DNAH5: variants seen among roughly 807,000 people sequenced by gnomAD.
DNAH5 encodes axonemal beta dynein heavy chain 5.
In DNAH5, 372 loss-of-function variants were observed where a neutral mutation model predicts 518.2. That is an observed-to-expected ratio of 0.72 (90% CI 0.66 to 0.78). DNAH5 has a LOEUF of 0.78. Ranked by LOEUF, DNAH5 falls within the 30% of genes least tolerant of loss-of-function variation. DNAH5 has a pLI of 0.00. For synonymous variants in DNAH5, 2,039 were observed against 2,025.9 expected (o/e 1.01, Z -0.17); for missense variants, 5,523 against 5,687.0 (o/e 0.97, Z 0.93).
chr5:13,853,310 A>G (rs1427365498), intron 30 of DNAH5, among the ~76,000 whole-genome samples: 2 of 152,226 alleles, frequency 1.3e-5, no homozygotes, highest in Non-Finnish European at 2.9e-5. Flanking sequence ...AACAAACAGG[A>G]AGCAATAGCA....
intron 17 of DNAH5, among the ~76,000 whole-genome samples, chr5:13,889,488 G>C (rs1171188260): frequency 2.6e-5 from 4 of 152,236 alleles, no homozygotes; most frequent in Non-Finnish European, 5.9e-5. Flanking sequence ...TCCTGCTTGG[G>C]AGGTGGTCCC....
intron 34 of DNAH5, among the ~76,000 whole-genome samples, chr5:13,840,600 AGCGAAAAAGATGTATGAAG>A (rs1765023306): frequency 6.6e-6 from 1 of 152,256 alleles, no homozygotes; most frequent in Non-Finnish European, 1.5e-5. Context: ...ATAGGTAAAA[AGCGAAAAAGATGTATGAAG>A]GCTTTTCAGA....
At chr5:13,931,975 T>A (rs1778473095) in intron 1 of DNAH5, 2 of 152,356 alleles carry the variant, frequency 1.3e-5, no homozygotes. Context: ...TGTACCATAC[T>A]TTATTCAACT....
chr5:13,961,760 C>A (rs1781203667), intron 1 of DNAH5, among the ~76,000 whole-genome samples: 1 of 152,146 alleles, frequency 6.6e-6, no homozygotes, highest in South Asian at 2.1e-4. Flanking sequence ...TGGTGAGATG[C>A]CTCCCCCATT....
At chr5:13,700,977 C>T (rs968074777) in intron 77 of DNAH5, 106 bp from the exon 78 acceptor site, 23 of 1,181,692 alleles carry the variant, frequency 1.9e-5, no homozygotes, top group Non-Finnish European at 2.9e-5. Flanking sequence ...ACTCGAAGGA[C>T]GTACAATAGT....
rs139142013 is a variant in DNAH5 at position 13,794,172 on chromosome 5, A to T, written c.7888-114T>A. The T allele has an allele frequency of 4.0e-5, 55 of 1,366,304 alleles. No individual in the cohort carries two copies. The African/African-American group carries it at 6.4e-4, about 16-fold the overall frequency. The allele number at this position is 1,366,304 out of a possible 1,614,324, so 84.6% of individuals were successfully genotyped here. ...TTTGAACTGATATGAATTATTTCTA[A>T]AAAGCCAAATTTCCCCCTTAATTCT... On this transcript the variant is annotated intron_variant, in intron 47 of 78. Coordinates refer to ENST00000265104, the MANE Select transcript of DNAH5 (RefSeq NM_001369.3).
In DNAH5 at chr5:13,747,017, T is replaced by G. The variant is rs181559779; in HGVS notation, c.11211+4061A>C. Among the ~76,000 whole-genome samples the G allele has an allele frequency of 2.6e-3, 391 of 152,232 alleles. 2 individuals carry two copies. In the Middle Eastern group the frequency reaches 0.031, roughly 12 times the overall value. ...ACTCGTCATTTACATTAGCTATATC[T>G]CCTAATGCTATCCCTCCCCTCTCCC... On this transcript the variant is annotated intron_variant, in intron 65 of 78. Coordinates refer to ENST00000265104, the MANE Select transcript of DNAH5 (RefSeq NM_001369.3).
intron 55 of DNAH5, chr5:13,771,404 G>C (rs1286054827): frequency 5.4e-6 from 1 of 184,020 alleles, no homozygotes; most frequent in Non-Finnish European, 1.2e-5. Flanking sequence ...GTCCACCCTG[G>C]CTCTGACTGC....
Position 13,690,799 on chromosome 5 carries a change from T to C in DNAH5, c.*1185A>G, listed in dbSNP as rs377476771. ...TCCTTTGATAATGTTTCCTAATTAA[T>C]AAAAGTCCATAGAAAGTCCCTACGC... On this transcript the variant is annotated 3_prime_UTR_variant, in exon 79 of 79. Transcript: ENST00000265104. The C allele has an allele frequency of 8.4e-4, 128 of 152,354 alleles. No homozygotes were observed. Among genetic ancestry groups the C allele is most frequent in the African/African-American group, 3.1e-3 (127 of 41,594 alleles). The allele number at this position is 152,354 out of a possible 1,614,324, so 9.4% of individuals were successfully genotyped here.
chr5:13,788,967 G>C (rs1756518204), intron 50 of DNAH5, 53 bp from the exon 51 acceptor site: 1 of 1,529,782 alleles, frequency 6.5e-7, no homozygotes, highest in East Asian at 2.3e-5. Context: ...GCCGTAATTG[G>C]GAATTCAGGT....
At chr5:13,992,434 T>C (rs1783622809) in intron 1 of DNAH5, among the ~76,000 whole-genome samples, 1 of 152,242 alleles carries the variant, frequency 6.6e-6, no homozygotes. Flanking sequence ...TATCACTTTC[T>C]TGTAAAGGTC....
chr5:13,735,542 A>C (rs1747271134), intron 67 of DNAH5, among the ~76,000 whole-genome samples: 1 of 152,216 alleles, frequency 6.6e-6, no homozygotes. Flanking sequence ...CCTGCAGGGC[A>C]TCATCACTCA....
In DNAH5 at chr5:13,788,841, GT is replaced by G; in HGVS notation, c.8521del (p.Thr2841ProfsTer7). On this transcript the variant is annotated frameshift_variant, in exon 51 of 79. Coordinates refer to ENST00000265104, the MANE Select transcript of DNAH5 (RefSeq NM_001369.3). LOFTEE classifies it high-confidence loss of function. The part of the protein sequence containing the change: ...ADRFTVSSDV[T>X]WFDKALVSLV... ...ACTTACTAAAGCCTTATCAAACCAG[GT>G]CACATCACTGGACACTGTGAAACGG... The G allele has an allele frequency of 6.2e-7, 1 of 1,613,928 alleles. No individual in the cohort carries two copies. The highest frequency in any genetic ancestry group is 8.5e-7 in the Non-Finnish European group (1 of 1,179,988).
intron 47 of DNAH5, among the ~76,000 whole-genome samples, chr5:13,796,691 A>G (rs887069187): frequency 1.3e-5 from 2 of 152,206 alleles, no homozygotes; most frequent in Admixed American, 6.5e-5. Context: ...ACAGAATTGG[A>G]AAAAACTACT....
rs795528 is a variant in DNAH5, at chr5:13,850,542, T to C, written c.5114+110A>G. 0.45 allele frequency: 390,777 copies of C among 863,092 alleles called. 90,387 individuals carry two copies. The highest frequency in any genetic ancestry group is 0.5 in the South Asian group (35,404 of 70,630). The allele number at this position is 863,092 out of a possible 1,614,324, so 53.5% of individuals were successfully genotyped here. A position where few individuals can be genotyped will look rare whatever the true frequency, so the allele number is the denominator to read the frequency against. Reference sequence around the variant, plus strand: ...GTTTCATCTGTGCAACAGCTTTATATATAAATTCAGCCTTAGCAAAAGAAA... The same window carrying C: ...GTTTCATCTGTGCAACAGCTTTATACATAAATTCAGCCTTAGCAAAAGAAA... On this transcript the variant is annotated intron_variant, in intron 31 of 78. Transcript: ENST00000265104.
rs977444880 is a variant in DNAH5, at chr5:13,842,172, G to C, written c.5272-268C>G. 2.0e-5 allele frequency among the ~76,000 whole-genome samples: 3 copies of C among 151,860 alleles called. No homozygotes were observed. The South Asian group carries it at 6.2e-4, about 32-fold the overall frequency. The stretch of plus-strand genomic sequence containing the variant: ...CTCTAGGTGGATCACCTGAGGTCTG[G>C]AGTTCAAGACCAGCCCGGGCAATAT... On this transcript the variant is annotated intron_variant, in intron 32 of 78. Transcript: ENST00000265104.
At position 13,809,060 on chromosome 5, in the gene DNAH5, A is replaced by G. The variant is rs1760153334; in HGVS notation, c.7736T>C (p.Ile2579Thr). 1.2e-6 allele frequency: 2 copies of G among 1,614,234 alleles called. No individual in the cohort carries two copies. Among genetic ancestry groups the G allele is most frequent in the Non-Finnish European group, 1.7e-6 (2 of 1,180,034 alleles). Residue 2579 changes from isoleucine (I) to threonine (T), a missense_variant, in exon 46 of 79, where the codon ATT becomes ACT. Around this residue, in one of 3 missense-constraint regions of DNAH5, gnomAD observed 5,121 missense variants for 5,223.3 expected, o/e 0.98. Coordinates refer to ENST00000265104, the MANE Select transcript of DNAH5 (RefSeq NM_001369.3). ...NVRTDFLIQT[I>T]AKQGKAVLLI... ...AAGTCATACCTTGCCCTGTTTAGCA[A>G]TGGTTTGAATTAGAAAGTCAGTCCT...
At chr5:13,735,014 A>T in intron 68 of DNAH5, 117 bp downstream of exon 68, 1 of 866,958 alleles carries the variant, frequency 1.2e-6, no homozygotes, top group Non-Finnish European at 1.9e-6. Flanking sequence ...ATCTCATCTA[A>T]ATGCAGTCTT....
chr5:13,848,468 T>C (rs1043114031), intron 31 of DNAH5, among the ~76,000 whole-genome samples: 3 of 152,164 alleles, frequency 2.0e-5, no homozygotes, highest in Non-Finnish European at 4.4e-5. Flanking sequence ...TCAAGCGCAT[T>C]ATATTTACTG....
Sources: gnomAD v4.1 joint callset for allele counts (sites outside exome capture counted in the v4.1 genomes callset) on GRCh38, gnomAD v4.1.1 for gene constraint, gnomAD v4.1.1 regional missense constraint, MANE v1.5 for transcripts, NCBI Gene and HGNC (gene_info 2026-07-23, HGNC 2026-07-21) for gene names.